MAML3: variants seen among roughly 807,000 people sequenced by gnomAD.
The protein encoded by MAML3 is mastermind-like protein 3.
A neutral mutation model predicts 101.9 loss-of-function variants in MAML3; 27 were observed. The ratio of observed to expected loss-of-function variants is 0.27; its 90% CI spans 0.20 to 0.37. MAML3 has a LOEUF of 0.37. MAML3 is among the 10% of genes least tolerant of loss of function. The probability of loss-of-function intolerance (pLI) is 1.00; values close to 1 mark genes in which losing one functional copy is unlikely to be tolerated. For missense variants in MAML3, 1,316 were observed against 1,444.9 expected (o/e 0.91, Z 1.45); for synonymous variants, 501 against 555.9 (o/e 0.90, Z 1.39).
chr4:140,128,988 C>T (rs80271864), intron 1 of MAML3, among the ~76,000 whole-genome samples: 1 of 152,140 alleles, frequency 6.6e-6, no homozygotes, highest in Non-Finnish European at 1.5e-5. Context: ...ATCGAGAGGT[C>T]ATCAGAGTCG....
At chr4:140,112,653 GGCCAGCACACCA>G (rs1309672295) in intron 1 of MAML3, among the ~76,000 whole-genome samples, 1 of 152,188 alleles carries the variant, frequency 6.6e-6, no homozygotes, top group Non-Finnish European at 1.5e-5. Context: ...TGGCAACAAG[GGCCAGCACACCA>G]GCCAGTCTGC....
At chr4:139,866,870 T>G (rs1348706789) in intron 2 of MAML3, among the ~76,000 whole-genome samples, 2 of 152,210 alleles carry the variant, frequency 1.3e-5, no homozygotes, top group African/African-American at 4.8e-5. Context: ...TATATCAGCA[T>G]ATAGCGCTAA....
At chr4:139,803,341 T>C (rs564501840) in intron 2 of MAML3, among the ~76,000 whole-genome samples, 4 of 152,210 alleles carry the variant, frequency 2.6e-5, no homozygotes, top group Non-Finnish European at 5.9e-5. Context: ...TCATAGTTTA[T>C]CATAAACCTT....
At chr4:139,901,219 T>A (rs1385259930) in intron 1 of MAML3, among the ~76,000 whole-genome samples, 7 of 152,202 alleles carry the variant, frequency 4.6e-5, no homozygotes, top group Admixed American at 2.6e-4. Flanking sequence ...TTAGCATGTG[T>A]TTGAGAAGTG....
At chr4:140,092,062 T>TTATATATATATACGTA (rs779781664) in intron 1 of MAML3, among the ~76,000 whole-genome samples, 20 of 139,254 alleles carry the variant, frequency 1.4e-4, no homozygotes, top group African/African-American at 4.5e-4. Flanking sequence ...GATAAAAACT[T>TTATATATATATACGTA]TATATATATA....
At chr4:139,897,387 C>G (rs1378059772) in intron 1 of MAML3, among the ~76,000 whole-genome samples, 1 of 152,228 alleles carries the variant, frequency 6.6e-6, no homozygotes, top group Non-Finnish European at 1.5e-5. Context: ...ATAAGCCACA[C>G]TGCACCCTCA....
intron 1 of MAML3, among the ~76,000 whole-genome samples, chr4:140,069,707 G>GGAAGAAA (rs1055014081): frequency 1.3e-5 from 2 of 151,040 alleles, no homozygotes; most frequent in African/African-American, 4.9e-5. Flanking sequence ...AGAAGAAGGA[G>GGAAGAAA]GAAGAAAGAA....
At chr4:140,103,475 G>A (rs770966394) in intron 1 of MAML3, among the ~76,000 whole-genome samples, 7 of 152,144 alleles carry the variant, frequency 4.6e-5, no homozygotes, top group African/African-American at 1.2e-4. Flanking sequence ...ATCCTAATTG[G>A]AACTCTTCTA....
chr4:140,130,430 T>A (rs1728773038), intron 1 of MAML3, among the ~76,000 whole-genome samples: 1 of 152,222 alleles, frequency 6.6e-6, no homozygotes. Context: ...GATAGTCTCC[T>A]AGGAAGAAAT....
chr4:140,118,693 A>G (rs1277768378), intron 1 of MAML3, among the ~76,000 whole-genome samples: 1 of 152,168 alleles, frequency 6.6e-6, no homozygotes, highest in Non-Finnish European at 1.5e-5. Flanking sequence ...TTAAAAATAT[A>G]TATTTTGGAA....
intron 1 of MAML3, among the ~76,000 whole-genome samples, chr4:140,107,393 C>T (rs1209112809): frequency 6.6e-6 from 1 of 152,108 alleles, no homozygotes; most frequent in Non-Finnish European, 1.5e-5. Flanking sequence ...AAACCTTCCT[C>T]ATTTTAATGA....
At chr4:139,972,542 G>A (rs947888186) in intron 1 of MAML3, among the ~76,000 whole-genome samples, 8 of 152,046 alleles carry the variant, frequency 5.3e-5, no homozygotes, top group Non-Finnish European at 7.4e-5. Context: ...TTCACTTCCT[G>A]CAAAGTCAAG....
rs72948568 is a variant in MAML3 at position 139,827,357 on chromosome 4, G to A, written c.2079+62000C>T. Among the ~76,000 whole-genome samples the A allele has an allele frequency of 7.1e-3, 1,074 of 152,288 alleles. 14 individuals are homozygous for A. The highest frequency in any genetic ancestry group is 0.025 in the African/African-American group (1,025 of 41,562). ...CACCAACAAAGACTGACTGCTGAGG[G>A]TTTCTGAAAAGGAGCTGTGGACTGG... On this transcript the variant is annotated intron_variant, in intron 2 of 4. Coordinates refer to ENST00000509479, the MANE Select transcript of MAML3 (RefSeq NM_018717.5).
intron 2 of MAML3, among the ~76,000 whole-genome samples, chr4:139,772,048 G>A (rs1351418298): frequency 2.0e-5 from 3 of 150,964 alleles, no homozygotes; most frequent in Non-Finnish European, 4.4e-5. Flanking sequence ...GACCATCCTG[G>A]CTAACACGGT....
At chr4:140,088,547 C>A (rs1407635984) in intron 1 of MAML3, among the ~76,000 whole-genome samples, 3 of 152,152 alleles carry the variant, frequency 2.0e-5, no homozygotes, top group African/African-American at 7.2e-5. Flanking sequence ...AGCTTCTAGT[C>A]TTTGTCCTAT....
At chr4:140,076,870 GT>G (rs1335400612) in intron 1 of MAML3, among the ~76,000 whole-genome samples, 1 of 151,952 alleles carries the variant, frequency 6.6e-6, no homozygotes, top group South Asian at 2.1e-4. Flanking sequence ...TGTTGTTTTT[GT>G]TTTTTTCTTT....
At chr4:140,041,869 C>T (rs1163116399) in intron 1 of MAML3, among the ~76,000 whole-genome samples, 1 of 152,124 alleles carries the variant, frequency 6.6e-6, no homozygotes, top group Non-Finnish European at 1.5e-5. Context: ...ATCCAGAGAG[C>T]CTATTTCATG....
intron 2 of MAML3, among the ~76,000 whole-genome samples, chr4:139,766,174 T>G (rs1328786381): frequency 2.7e-3 from 29 of 10,616 alleles, no homozygotes; most frequent in South Asian, 0.011. Flanking sequence ...TCTTTCTTTT[T>G]GGGGGGTGGG....
chr4:140,008,426 T>C (rs1560864858), intron 1 of MAML3, among the ~76,000 whole-genome samples: 1 of 152,228 alleles, frequency 6.6e-6, no homozygotes, highest in Non-Finnish European at 1.5e-5. Context: ...TCCTATCACA[T>C]GGTAAGGACC....
Sources: gnomAD v4.1 joint callset for allele counts (sites outside exome capture counted in the v4.1 genomes callset) on GRCh38, gnomAD v4.1.1 for gene constraint, MANE v1.5 for transcripts, NCBI Gene and HGNC (gene_info 2026-07-23, HGNC 2026-07-21) for gene names.